AGBL1: variants seen among roughly 807,000 people sequenced by gnomAD.
The protein encoded by AGBL1 is AGBL carboxypeptidase 1.
In AGBL1, 130 loss-of-function variants were observed where a neutral mutation model predicts 118.9. The observed-to-expected ratio is 1.09, with a 90% CI of 0.95 to 1.26. AGBL1 has a LOEUF of 1.26. Among genes scored for constraint, AGBL1 ranks in the 50% most tolerant of loss-of-function variants. AGBL1 has a pLI of 0.00. For missense variants in AGBL1, 1,584 were observed against 1,298.1 expected, an observed-to-expected ratio of 1.22 and a Z score of -3.38; for synonymous variants, 555 against 478.9, an observed-to-expected ratio of 1.16 and a Z score of -2.08.
intron 7 of AGBL1, among the ~76,000 whole-genome samples, chr15:86,254,322 C>T (rs2078861632): frequency 6.6e-6 from 1 of 152,172 alleles, no homozygotes; most frequent in Non-Finnish European, 1.5e-5. Context: ...GTTATTATCT[C>T]CACTTTGCAG....
intron 1 of AGBL1, among the ~76,000 whole-genome samples, chr15:86,106,550 G>T (rs955395454): frequency 1.3e-5 from 2 of 152,176 alleles, no homozygotes; most frequent in Non-Finnish European, 2.9e-5. Flanking sequence ...TAATGGCGAG[G>T]GATGCTACTG....
chr15:86,525,925 A>G (rs1470167113), intron 19 of AGBL1, among the ~76,000 whole-genome samples: 1 of 152,210 alleles, frequency 6.6e-6, no homozygotes, highest in Admixed American at 6.5e-5. Flanking sequence ...GAGTAAACAG[A>G]CAACCTACAG....
chr15:86,181,740 G>C (rs944270022), intron 5 of AGBL1, among the ~76,000 whole-genome samples: 1 of 151,972 alleles, frequency 6.6e-6, no homozygotes, highest in African/African-American at 2.4e-5. Context: ...AATATGCATA[G>C]TAAAATCTTT....
intron 22 of AGBL1, among the ~76,000 whole-genome samples, chr15:86,739,954 A>G (rs761995050): frequency 4.6e-5 from 7 of 152,198 alleles, no homozygotes; most frequent in African/African-American, 1.4e-4. Flanking sequence ...GGCTAGTTCG[A>G]TAACACTCTT....
chr15:86,423,558 A>C (rs1267075427), intron 18 of AGBL1, among the ~76,000 whole-genome samples: 1 of 152,186 alleles, frequency 6.6e-6, no homozygotes, highest in Non-Finnish European at 1.5e-5. Context: ...AAGAGAAAGA[A>C]ATAAAGGGTA....
chr15:86,948,066 C>G (rs1043152931), intron 23 of AGBL1, among the ~76,000 whole-genome samples: 2 of 152,142 alleles, frequency 1.3e-5, no homozygotes, highest in African/African-American at 2.4e-5. Context: ...TGTGGCTATA[C>G]TGGTTTAACA....
chr15:86,558,933 C>A (rs1444128758), intron 21 of AGBL1, among the ~76,000 whole-genome samples: 4 of 152,200 alleles, frequency 2.6e-5, no homozygotes, highest in African/African-American at 9.6e-5. Flanking sequence ...TGTTCTCTCA[C>A]AGATCTGGAA....
intron 22 of AGBL1, among the ~76,000 whole-genome samples, chr15:86,842,391 G>A (rs988991416): frequency 6.6e-6 from 1 of 152,138 alleles, no homozygotes; most frequent in East Asian, 1.9e-4. Context: ...AACCTGCTCT[G>A]TGATATTGCA....
chr15:86,442,522 T>C lies in AGBL1; in HGVS notation c.2555+44976T>C, dbSNP rs539141134. On this transcript the variant is annotated intron_variant, in intron 18 of 22. Coordinates refer to ENST00000614907, the MANE Select transcript of AGBL1 (RefSeq NM_001386094.1). ...AGTATATTTTTAATCTTGCCATTAA[T>C]AACGATAACAGTCCTAATAAAAGAT... Among the ~76,000 whole-genome samples, 3 of 152,372 alleles carry C rather than the reference T, an allele frequency of 2.0e-5. No individual in the cohort carries two copies. The East Asian group carries it at 5.8e-4, about 29-fold the overall frequency.
chr15:87,006,946 G>A (rs762278504), intron 24 of AGBL1, among the ~76,000 whole-genome samples: 1 of 152,136 alleles, frequency 6.6e-6, no homozygotes, highest in Non-Finnish European at 1.5e-5. Flanking sequence ...GCTTTAAGTA[G>A]GATGGGTTTT....
intron 22 of AGBL1, among the ~76,000 whole-genome samples, chr15:86,811,885 AC>A (rs1023201636): frequency 6.6e-6 from 1 of 152,234 alleles, no homozygotes; most frequent in African/African-American, 2.4e-5. Context: ...TCTACCAGGT[AC>A]ATTAATTCAT....
intron 22 of AGBL1, among the ~76,000 whole-genome samples, chr15:86,691,781 C>T (rs992935855): frequency 6.6e-6 from 1 of 152,108 alleles, no homozygotes. Context: ...AACATTATTG[C>T]TAATCCATAA....
intron 22 of AGBL1, among the ~76,000 whole-genome samples, chr15:86,901,584 A>T (rs922122873): frequency 2.0e-5 from 3 of 152,156 alleles, no homozygotes; most frequent in African/African-American, 7.2e-5. Flanking sequence ...AAATAGAGCA[A>T]GTAACCCCAC....
chr15:86,317,187 G>A (rs2080025840), intron 17 of AGBL1: 1 of 152,232 alleles, frequency 6.6e-6, no homozygotes, highest in Admixed American at 6.5e-5. Flanking sequence ...CTTAAAGGAA[G>A]TGTCCACAAA....
At position 86,635,292 on chromosome 15, in the gene AGBL1, TC is replaced by T. The variant is rs1396700208; in HGVS notation, c.2995-38976del. Reference sequence around the variant, plus strand: ...CTCCTCCTCCTCCTTCCCCTCCCCCTCCCCCTCCCCTCCTCCTCCTCCTCCT... The same window carrying T: ...CTCCTCCTCCTCCTTCCCCTCCCCCTCCCCTCCCCTCCTCCTCCTCCTCCT... On this transcript the variant is annotated intron_variant, in intron 21 of 22. Coordinates refer to ENST00000614907, the MANE Select transcript of AGBL1 (RefSeq NM_001386094.1). 5.1e-3 allele frequency among the ~76,000 whole-genome samples: 108 copies of T among 21,072 alleles called. 6 individuals carry two copies. Among genetic ancestry groups the T allele is most frequent in the African/African-American group, 0.024 (105 of 4,392 alleles). The allele number at this position is 21,072 out of a possible 152,430, so 13.8% of individuals were successfully genotyped here. A position where few individuals can be genotyped will look rare whatever the true frequency, so the allele number is the denominator to read the frequency against.
intron 1 of AGBL1, chr15:86,083,729 A>C (rs1895447604): frequency 6.6e-6 from 1 of 152,244 alleles, no homozygotes; most frequent in African/African-American, 2.4e-5. Context: ...GGCTACAAAT[A>C]GAGGAAGGGT....
intron 18 of AGBL1, among the ~76,000 whole-genome samples, chr15:86,436,183 G>GT (rs1298074125): frequency 1.4e-5 from 2 of 143,656 alleles, no homozygotes; most frequent in African/African-American, 5.2e-5. Flanking sequence ...ACCGCTCTCT[G>GT]TGGTGGTGGA....
intron 21 of AGBL1, among the ~76,000 whole-genome samples, chr15:86,569,098 C>A (rs1230929932): frequency 6.6e-6 from 1 of 151,854 alleles, no homozygotes; most frequent in Non-Finnish European, 1.5e-5. Context: ...CCTGTTTTGC[C>A]ATTGGAATGC....
intron 22 of AGBL1, among the ~76,000 whole-genome samples, chr15:86,892,526 G>C (rs1287428753): frequency 6.6e-6 from 1 of 152,130 alleles, no homozygotes; most frequent in Non-Finnish European, 1.5e-5. Context: ...GCAGCTTTAA[G>C]ATATTGGGAA....
Sources: gnomAD v4.1 joint callset for allele counts (sites outside exome capture counted in the v4.1 genomes callset) on GRCh38, gnomAD v4.1.1 for gene constraint, MANE v1.5 for transcripts, NCBI Gene and HGNC (gene_info 2026-07-23, HGNC 2026-07-21) for gene names.